The following TDRD9 variants were observed in gnomAD, a reference collection of about 807,000 sequenced individuals.
The protein encoded by TDRD9 is ATP-dependent RNA helicase TDRD9.
In TDRD9, 124 loss-of-function variants were observed where a neutral mutation model predicts 172.6. The observed-to-expected ratio is 0.72, with a 90% CI of 0.62 to 0.83. The LOEUF is 0.83. Ranked by LOEUF, TDRD9 falls within the 40% of genes least tolerant of loss-of-function variation. TDRD9 has a pLI of 0.00. For synonymous variants in TDRD9, 619 were observed against 617.1 expected (o/e 1.00, Z -0.05); for missense variants, 1,479 against 1,714.1 (o/e 0.86, Z 2.42).
intron 2 of TDRD9, among the ~76,000 whole-genome samples, chr14:103,956,107 AAAAAAT>A (rs2032204707): frequency 3.3e-5 from 1 of 29,874 alleles, no homozygotes; most frequent in Non-Finnish European, 5.7e-5. Context: ...AAAAAAAAAA[AAAAAAT>A]ATATATATAT....
At chr14:103,962,723 C>A (rs1210622124) in intron 2 of TDRD9, among the ~76,000 whole-genome samples, 1 of 152,080 alleles carries the variant, frequency 6.6e-6, no homozygotes, top group Non-Finnish European at 1.5e-5. Context: ...GTTGTGAGAA[C>A]ATTTAATATT....
At chr14:103,940,812 A>G in intron 1 of TDRD9, 2 of 1,533,804 alleles carry the variant, frequency 1.3e-6, no homozygotes, top group African/African-American at 1.4e-5. Context: ...TAACTTAACT[A>G]GATGGGTGAT....
In TDRD9 at chr14:104,048,703, C is replaced by T. The variant is rs75345889; in HGVS notation, c.3975-905C>T. Among the ~76,000 whole-genome samples, 33 of 152,328 alleles carry T rather than the reference C, an allele frequency of 2.2e-4. No homozygotes were observed. In the East Asian group the frequency reaches 6.2e-3, roughly 28 times the overall value. On this transcript the variant is annotated intron_variant, in intron 34 of 35. Coordinates refer to ENST00000409874, the MANE Select transcript of TDRD9 (RefSeq NM_153046.3). ...GATGTGTGGAGGGCCTGCTCCCCCT[C>T]TGTGGCACTCTCCTTTCCAGAGTCT...
chr14:104,051,706 T>A (rs922095269), intron 35 of TDRD9, among the ~76,000 whole-genome samples: 11 of 152,228 alleles, frequency 7.2e-5, no homozygotes, highest in African/African-American at 2.4e-4. Context: ...TGATTACTGA[T>A]GTGTGGAGCA....
intron 7 of TDRD9, among the ~76,000 whole-genome samples, chr14:103,976,105 G>A (rs953331863): frequency 2.0e-5 from 3 of 151,814 alleles, no homozygotes; most frequent in Non-Finnish European, 2.9e-5. Flanking sequence ...CCTTCTTAGC[G>A]TCCAAATTTG....
At chr14:103,979,520 C>T (rs986452404) in intron 7 of TDRD9, among the ~76,000 whole-genome samples, 3 of 152,170 alleles carry the variant, frequency 2.0e-5, no homozygotes, top group Non-Finnish European at 4.4e-5. Context: ...ACAGTCACCT[C>T]TCAGGGGGAA....
chr14:103,935,832 G>T (rs1449043186), intron 1 of TDRD9, among the ~76,000 whole-genome samples: 1 of 152,126 alleles, frequency 6.6e-6, no homozygotes, highest in African/African-American at 2.4e-5. Flanking sequence ...TCATGGGAAT[G>T]ATTTTGTATA....
At chr14:103,982,095 G>A (rs143966516) in intron 7 of TDRD9, among the ~76,000 whole-genome samples, 5 of 151,656 alleles carry the variant, frequency 3.3e-5, no homozygotes, top group South Asian at 2.1e-4. Flanking sequence ...CACCAGCCGC[G>A]CCTCCTGGGT....
At chr14:103,986,439 T>G (rs995343060) in intron 8 of TDRD9, 119 bp downstream of exon 8, 1 of 677,160 alleles carries the variant, frequency 1.5e-6, no homozygotes, top group Non-Finnish European at 2.4e-6. Flanking sequence ...TTTTTAGTAG[T>G]TACTGTATAT....
At chr14:104,026,450 A>G (rs1334101006) in intron 27 of TDRD9, among the ~76,000 whole-genome samples, 2 of 152,226 alleles carry the variant, frequency 1.3e-5, no homozygotes, top group Non-Finnish European at 2.9e-5. Flanking sequence ...ACATGCCCTT[A>G]CCATCAGTAT....
At chr14:103,979,354 C>T (rs978052819) in intron 7 of TDRD9, among the ~76,000 whole-genome samples, 4 of 152,226 alleles carry the variant, frequency 2.6e-5, no homozygotes, top group Admixed American at 6.5e-5. Flanking sequence ...GAAGGAATAC[C>T]TCAGTCTGGG....
chr14:103,932,422 C>T (rs1368839123), intron 1 of TDRD9, among the ~76,000 whole-genome samples: 3 of 151,220 alleles, frequency 2.0e-5, no homozygotes, highest in Non-Finnish European at 4.4e-5. Context: ...GAGTCTCGCT[C>T]TGTCGCCCAG....
intron 7 of TDRD9, 104 bp downstream of exon 7, chr14:103,975,657 T>C: frequency 8.4e-7 from 1 of 1,197,494 alleles, no homozygotes; most frequent in Non-Finnish European, 1.1e-6. Context: ...AAAATTATTA[T>C]TTTAAAATTG....
chr14:103,955,992 C>T (rs1479629063), intron 2 of TDRD9, among the ~76,000 whole-genome samples: 2 of 145,706 alleles, frequency 1.4e-5, no homozygotes, highest in Non-Finnish European at 3.0e-5. Flanking sequence ...CATCTGTAAT[C>T]CCAGCTACTC....
intron 7 of TDRD9, among the ~76,000 whole-genome samples, chr14:103,975,800 CATTT>C (rs2033212786): frequency 6.6e-6 from 1 of 152,130 alleles, no homozygotes; most frequent in Non-Finnish European, 1.5e-5. Flanking sequence ...TTATCTTTAA[CATTT>C]ATCTTTGTGG....
At chr14:104,038,226 A>T (rs1054219268) in intron 32 of TDRD9, among the ~76,000 whole-genome samples, 2 of 152,190 alleles carry the variant, frequency 1.3e-5, no homozygotes, top group African/African-American at 4.8e-5. Flanking sequence ...TTAAACAACA[A>T]CAACAAGAAG....
intron 9 of TDRD9, 128 bp downstream of exon 9, chr14:103,991,352 T>G (rs545447431): frequency 1.1e-6 from 1 of 944,384 alleles, no homozygotes; most frequent in Admixed American, 2.8e-5. Context: ...TTTGAGTATG[T>G]GAACAAATGT....
chr14:103,953,628 T>G lies in TDRD9; in HGVS notation c.216-2036T>G, dbSNP rs140351352. 1.7e-3 allele frequency among the ~76,000 whole-genome samples: 258 copies of G among 152,168 alleles called. 1 individual carries two copies. Among genetic ancestry groups the G allele is most frequent in the South Asian group, 0.01 (50 of 4,812 alleles). The stretch of plus-strand genomic sequence containing the variant: ...TTGGTGGTGAAATTCAGTCTGAATT[T>G]GAAGGCCTGGGAACCAGGGTAACTG... On this transcript the variant is annotated intron_variant, in intron 1 of 35. Coordinates refer to ENST00000409874, the MANE Select transcript of TDRD9 (RefSeq NM_153046.3).
chr14:103,965,603 T>A (rs753006985), intron 4 of TDRD9, 49 bp downstream of exon 4: 14 of 1,457,288 alleles, frequency 9.6e-6, no homozygotes, highest in Non-Finnish European at 9.3e-7. Context: ...TGTCTCTCTA[T>A]TCCTTAATTT....
Sources: gnomAD v4.1 joint callset for allele counts (sites outside exome capture counted in the v4.1 genomes callset) on GRCh38, gnomAD v4.1.1 for gene constraint, MANE v1.5 for transcripts, NCBI Gene and HGNC (gene_info 2026-07-23, HGNC 2026-07-21) for gene names.